The following GRIA4 variants were observed in gnomAD, a reference collection of about 807,000 sequenced individuals.
GRIA4 encodes the protein glutamate receptor 4.
A neutral mutation model predicts 104.0 loss-of-function variants in GRIA4; 34 were observed. That is an observed-to-expected ratio of 0.33 (90% confidence interval 0.25 to 0.44). The LOEUF (loss-of-function observed/expected upper bound fraction) is 0.44, where lower values mean the gene tolerates loss of function less well. Ranked by LOEUF, GRIA4 falls within the 20% of genes least tolerant of loss-of-function variation. The pLI is 1.00. For missense variants in GRIA4, 750 were observed against 1,096.5 expected (o/e 0.68, Z 4.46); for synonymous variants, 386 against 381.9 (o/e 1.01, Z -0.13).
chr11:105,780,431 G>A (rs1247344447), intron 4 of GRIA4, among the ~76,000 whole-genome samples: 3 of 152,114 alleles, frequency 2.0e-5, no homozygotes, highest in African/African-American at 7.2e-5. Context: ...CATTCATGCA[G>A]GTAAATTCAC....
At chr11:105,697,316 C>T (rs1191195623) in intron 3 of GRIA4, among the ~76,000 whole-genome samples, 1 of 152,018 alleles carries the variant, frequency 6.6e-6, no homozygotes, top group East Asian at 1.9e-4. Context: ...GAAAAAAAGC[C>T]TAAATGCATG....
chr11:105,691,935 CA>C (rs202074069), intron 3 of GRIA4, among the ~76,000 whole-genome samples: 248 of 76,316 alleles, frequency 3.2e-3, no homozygotes, highest in African/African-American at 7.1e-3. Flanking sequence ...AACTCCGTCT[CA>C]AAAAAAAAAA....
chr11:105,657,095 A>G (rs1490462934), intron 3 of GRIA4, among the ~76,000 whole-genome samples: 4 of 152,050 alleles, frequency 2.6e-5, no homozygotes, highest in Non-Finnish European at 5.9e-5. Context: ...AGTCTAATAA[A>G]GGCCCTAGAA....
At chr11:105,899,421 C>T (rs976943864) in intron 7 of GRIA4, among the ~76,000 whole-genome samples, 2 of 152,130 alleles carry the variant, frequency 1.3e-5, no homozygotes, top group Non-Finnish European at 2.9e-5. Flanking sequence ...AGTCAGGGAC[C>T]AGGTTCATGG....
At chr11:105,834,909 T>A (rs1297440975) in intron 4 of GRIA4, among the ~76,000 whole-genome samples, 1 of 152,010 alleles carries the variant, frequency 6.6e-6, no homozygotes, top group African/African-American at 2.4e-5. Context: ...AACATCACCC[T>A]AGTAAATATA....
chr11:105,811,585 A>T (rs1943175071), intron 4 of GRIA4, among the ~76,000 whole-genome samples: 1 of 152,200 alleles, frequency 6.6e-6, no homozygotes, highest in African/African-American at 2.4e-5. Context: ...TGTTTTGAAA[A>T]AAATGAGACT....
intron 14 of GRIA4, among the ~76,000 whole-genome samples, chr11:105,950,035 A>G (rs527718829): frequency 3.9e-5 from 6 of 152,370 alleles, no homozygotes; most frequent in Non-Finnish European, 5.9e-5. Context: ...TAAATAAAAT[A>G]TAATACAGTT....
chr11:105,790,780 C>T (rs1942181658), intron 4 of GRIA4, among the ~76,000 whole-genome samples: 1 of 151,968 alleles, frequency 6.6e-6, no homozygotes, highest in South Asian at 2.1e-4. Context: ...TCTTTGAGAT[C>T]CAGAAAAGAT....
chr11:105,627,695 G>A (rs1252769191), intron 3 of GRIA4, among the ~76,000 whole-genome samples: 2 of 152,140 alleles, frequency 1.3e-5, no homozygotes, highest in Non-Finnish European at 2.9e-5. Context: ...TTGCAACCAT[G>A]TATCTTCCGA....
At chr11:105,665,016 G>A (rs775255603) in intron 3 of GRIA4, among the ~76,000 whole-genome samples, 2 of 151,966 alleles carry the variant, frequency 1.3e-5, no homozygotes, top group Non-Finnish European at 2.9e-5. Context: ...ATATTTGGGA[G>A]ATAATTCTAA....
At chr11:105,922,597 A>T (rs1947594613) in intron 11 of GRIA4, among the ~76,000 whole-genome samples, 1 of 152,184 alleles carries the variant, frequency 6.6e-6, no homozygotes, top group Admixed American at 6.6e-5. Flanking sequence ...CCAATAAAGC[A>T]TTTGCAATCA....
intron 3 of GRIA4, among the ~76,000 whole-genome samples, chr11:105,661,329 G>A (rs1352805113): frequency 6.6e-6 from 1 of 151,530 alleles, no homozygotes; most frequent in Non-Finnish European, 1.5e-5. Flanking sequence ...AACATAAAAT[G>A]AGTATTGGTT....
intron 4 of GRIA4, among the ~76,000 whole-genome samples, chr11:105,772,525 A>G (rs768696277): frequency 3.3e-5 from 5 of 152,160 alleles, no homozygotes; most frequent in Non-Finnish European, 7.4e-5. Flanking sequence ...TATAATGCAT[A>G]TAACATATAA....
At chr11:105,923,744 C>A (rs1223282925) in intron 11 of GRIA4, among the ~76,000 whole-genome samples, 1 of 152,030 alleles carries the variant, frequency 6.6e-6, no homozygotes, top group African/African-American at 2.4e-5. Context: ...TTTTCAAAAT[C>A]TTTTTTTAAA....
At chr11:105,663,914 A>G (rs1952087145) in intron 3 of GRIA4, among the ~76,000 whole-genome samples, 1 of 151,586 alleles carries the variant, frequency 6.6e-6, no homozygotes, top group Admixed American at 6.6e-5. Context: ...TGAACCCTCC[A>G]TAGTAGGTTA....
At position 105,794,499 on chromosome 11, in the gene GRIA4, A is replaced by G. The variant is rs1390415504; in HGVS notation, c.487+41279A>G. On this transcript the variant is annotated intron_variant, in intron 4 of 16. Coordinates refer to ENST00000282499, the MANE Select transcript of GRIA4 (RefSeq NM_000829.4). ...TATATATATATATATATATATATAT[A>G]TATATATATATATACATATACACAC... Among the ~76,000 whole-genome samples, 12 of 121,244 alleles carry G rather than the reference A, an allele frequency of 9.9e-5. No homozygotes were observed. The South Asian group carries it at 1.0e-3, about 10-fold the overall frequency. 79.5% of individuals were successfully genotyped at this position (121,244 alleles called of 152,430 possible).
intron 3 of GRIA4, among the ~76,000 whole-genome samples, chr11:105,746,517 T>G (rs1330028574): frequency 6.6e-6 from 1 of 152,054 alleles, no homozygotes; most frequent in Non-Finnish European, 1.5e-5. Context: ...AAATGAAATT[T>G]CTGCACTATC....
At chr11:105,869,068 G>A (rs1269364687) in intron 5 of GRIA4, among the ~76,000 whole-genome samples, 1 of 152,104 alleles carries the variant, frequency 6.6e-6, no homozygotes, top group African/African-American at 2.4e-5. Flanking sequence ...GTGGGGGTTA[G>A]AAAGGGGTGT....
chr11:105,965,939 G>A (rs746976270), intron 14 of GRIA4: 5 of 1,563,118 alleles, frequency 3.2e-6, no homozygotes, highest in East Asian at 2.2e-5. Context: ...ATGTTTTATC[G>A]TTTCAAGAAA....
Sources: gnomAD v4.1 joint callset for allele counts (sites outside exome capture counted in the v4.1 genomes callset) on GRCh38, gnomAD v4.1.1 for gene constraint, MANE v1.5 for transcripts, NCBI Gene and HGNC (gene_info 2026-07-23, HGNC 2026-07-21) for gene names.